The following CADM1 variants were observed in gnomAD, a reference collection of about 807,000 sequenced individuals.
The protein encoded by CADM1 is cell adhesion molecule 1, also known as TSLC-1.
Under a neutral mutation model 53.1 loss-of-function variants are expected in CADM1, and 15 were observed. The ratio of observed to expected loss-of-function variants is 0.28; its 90% CI spans 0.19 to 0.44. CADM1 has a LOEUF of 0.44. Among genes scored for constraint, CADM1 ranks in the 20% least tolerant of loss-of-function variants. CADM1 has a pLI of 1.00. For synonymous variants in CADM1, 281 were observed against 243.0 expected (o/e 1.16, Z -1.45); for missense variants, 434 against 611.3 (o/e 0.71, Z 3.06).
At position 115,361,311 on chromosome 11, in the gene CADM1, A is replaced by C. The variant is rs532554619; in HGVS notation, c.125-120891T>G. Among the ~76,000 whole-genome samples the C allele has an allele frequency of 2.6e-4, 40 of 152,302 alleles. No individual in the cohort carries two copies. The South Asian group carries it at 7.9e-3, about 30-fold the overall frequency. ...ACCTGGCAATTCTCTTACCAGAAAGAAGTCAGTAGGATTATAATGAAGTAG... is the reference window on the plus strand; with the variant it reads ...ACCTGGCAATTCTCTTACCAGAAAGCAGTCAGTAGGATTATAATGAAGTAG... On this transcript the variant is annotated intron_variant, in intron 1 of 11. Transcript: ENST00000331581.
intron 1 of CADM1, among the ~76,000 whole-genome samples, chr11:115,446,128 T>C (rs1250639366): frequency 6.6e-6 from 1 of 152,186 alleles, no homozygotes; most frequent in Non-Finnish European, 1.5e-5. Context: ...GGAATAATAA[T>C]ATCTATCATT....
intron 1 of CADM1, among the ~76,000 whole-genome samples, chr11:115,247,821 A>G (rs1378087604): frequency 6.6e-6 from 1 of 152,238 alleles, no homozygotes; most frequent in Non-Finnish European, 1.5e-5. Context: ...TTCCACAGCT[A>G]TAAGGCCAAC....
At chr11:115,447,896 G>A (rs1948487245) in intron 1 of CADM1, among the ~76,000 whole-genome samples, 1 of 152,154 alleles carries the variant, frequency 6.6e-6, no homozygotes. Context: ...GCTTGGGAAA[G>A]GTGTTCTTTC....
At chr11:115,192,471 C>T (rs768772539) in intron 9 of CADM1, among the ~76,000 whole-genome samples, 2 of 152,184 alleles carry the variant, frequency 1.3e-5, no homozygotes, top group Non-Finnish European at 2.9e-5. Context: ...GACAATATTC[C>T]TATTTCTAAT....
intron 8 of CADM1, among the ~76,000 whole-genome samples, chr11:115,199,778 GGTGGT>G (rs1378174647): frequency 6.6e-6 from 1 of 152,194 alleles, no homozygotes; most frequent in Non-Finnish European, 1.5e-5. Context: ...GTCAAATGGT[GGTGGT>G]TGAAGTAAGA....
chr11:115,474,118 C>A (rs1186742087), intron 1 of CADM1, among the ~76,000 whole-genome samples: 1 of 151,250 alleles, frequency 6.6e-6, no homozygotes, highest in Non-Finnish European at 1.5e-5. Flanking sequence ...TATGGTAAAA[C>A]CCGGTCTCTA....
At chr11:115,374,003 G>A (rs946314484) in intron 1 of CADM1, among the ~76,000 whole-genome samples, 3 of 152,110 alleles carry the variant, frequency 2.0e-5, no homozygotes, top group African/African-American at 7.2e-5. Context: ...GCCTAGTTCT[G>A]TACACTAAAA....
At chr11:115,351,090 G>C (rs557360849) in intron 1 of CADM1, among the ~76,000 whole-genome samples, 1 of 151,908 alleles carries the variant, frequency 6.6e-6, no homozygotes, top group East Asian at 1.9e-4. Flanking sequence ...TGACATTTTA[G>C]AAAGGTTGGC....
At chr11:115,450,477 T>C (rs1948547321) in intron 1 of CADM1, among the ~76,000 whole-genome samples, 2 of 152,204 alleles carry the variant, frequency 1.3e-5, no homozygotes, top group African/African-American at 4.8e-5. Context: ...TCTTTCCAGT[T>C]ATTGAACGTT....
intron 1 of CADM1, among the ~76,000 whole-genome samples, chr11:115,293,461 C>T (rs150426503): frequency 8.5e-5 from 13 of 152,218 alleles, no homozygotes; most frequent in Non-Finnish European, 2.9e-5. Flanking sequence ...TCCAGTATAA[C>T]TATTCTGCCC....
chr11:115,266,161 G>C (rs1466362510), intron 1 of CADM1, among the ~76,000 whole-genome samples: 1 of 152,246 alleles, frequency 6.6e-6, no homozygotes, highest in African/African-American at 2.4e-5. Context: ...GCATCAGCCA[G>C]TAGGATTTCC....
chr11:115,430,319 T>C (rs527695085), intron 1 of CADM1, among the ~76,000 whole-genome samples: 1 of 152,346 alleles, frequency 6.6e-6, no homozygotes, highest in East Asian at 1.9e-4. Context: ...TTAGAGATCC[T>C]GACAATCTTT....
intron 1 of CADM1, among the ~76,000 whole-genome samples, chr11:115,391,180 A>C (rs1421368949): frequency 1.3e-5 from 2 of 152,248 alleles, no homozygotes; most frequent in African/African-American, 4.8e-5. Flanking sequence ...ACTATAAAAA[A>C]AATGAGTACA....
intron 1 of CADM1, among the ~76,000 whole-genome samples, chr11:115,323,263 C>A (rs968590932): frequency 6.6e-6 from 1 of 152,118 alleles, no homozygotes; most frequent in Non-Finnish European, 1.5e-5. Context: ...TTTTGAGCAA[C>A]TTTTAGTCAA....
rs1349660311 is a variant in CADM1 at position 115,174,227 on chromosome 11, T to A, written c.*2247A>T. The A allele has an allele frequency of 2.0e-6, 2 of 984,596 alleles. No individual in the cohort carries two copies. The highest frequency in any genetic ancestry group is 1.2e-4 in the Admixed American group (2 of 16,196). The allele number at this position is 984,596 out of a possible 1,614,324, so 61.0% of individuals were successfully genotyped here. On this transcript the variant is annotated 3_prime_UTR_variant, in exon 12 of 12. Transcript: ENST00000331581. ...CTTTTCAAAACAGAAAGATGGGAGGTCCCAAAAATGAGATGCCAATTCTGT... is the reference window on the plus strand; with the variant it reads ...CTTTTCAAAACAGAAAGATGGGAGGACCCAAAAATGAGATGCCAATTCTGT...
intron 1 of CADM1, among the ~76,000 whole-genome samples, chr11:115,477,124 A>G (rs1437733677): frequency 6.6e-6 from 1 of 152,138 alleles, no homozygotes; most frequent in Admixed American, 6.6e-5. Flanking sequence ...ATTAAGGTGG[A>G]CAGGATATAG....
At chr11:115,401,649 T>C (rs922563494) in intron 1 of CADM1, among the ~76,000 whole-genome samples, 2 of 152,160 alleles carry the variant, frequency 1.3e-5, no homozygotes, top group Non-Finnish European at 2.9e-5. Flanking sequence ...GCCAGGGATA[T>C]AAGGGAAGAA....
intron 1 of CADM1, among the ~76,000 whole-genome samples, chr11:115,303,332 CAAGAGCCAGTAAGTCA>C (rs1411659324): frequency 4.6e-5 from 7 of 151,912 alleles, no homozygotes; most frequent in Non-Finnish European, 1.0e-4. Flanking sequence ...TGTTTTTGCC[CAAGAGCCAGTAAGTCA>C]TTGGCTGCCA....
intron 1 of CADM1, among the ~76,000 whole-genome samples, chr11:115,242,336 G>GAAAAA (rs200660668): frequency 3.5e-5 from 2 of 57,604 alleles, no homozygotes; most frequent in East Asian, 5.0e-4. Context: ...AAGGTGATCA[G>GAAAAA]AAAAAAAAAA....
Sources: allele counts gnomAD v4.1 joint callset (sites outside exome capture counted in the v4.1 genomes callset), GRCh38; gene constraint gnomAD v4.1.1; transcripts MANE v1.5; gene names NCBI Gene and HGNC (gene_info 2026-07-23, HGNC 2026-07-21).